Variants in IGF2R observed in about 807,000 individuals in gnomAD.
IGF2R encodes the protein insulin like growth factor 2 receptor.
In IGF2R, 91 loss-of-function variants were observed where a neutral mutation model predicts 270.6. The ratio of observed to expected loss-of-function variants is 0.34; its 90% CI spans 0.28 to 0.40. IGF2R has a LOEUF of 0.40. Among genes scored for constraint, IGF2R ranks in the 10% least tolerant of loss-of-function variants. IGF2R has a pLI of 1.00. For missense variants in IGF2R, 2,805 were observed against 3,188.3 expected (o/e 0.88, Z 2.90); for synonymous variants, 1,316 against 1,258.9 (o/e 1.05, Z -0.96).
At position 160,093,790 on chromosome 6, in the gene IGF2R, CAAG is replaced by C. The variant is rs1276456203; in HGVS notation, c.6656-2647_6656-2645del. ...GACTATATGATTTGGATAAAGATAA[CAAG>C]ATCTCTCGTGATGAGCTGTTAAGGG... On this transcript the variant is annotated intron_variant, in intron 44 of 47. Transcript: ENST00000356956. 5.4e-6 allele frequency: 4 copies of C among 740,266 alleles called. No homozygotes were observed. In the African/African-American group the frequency reaches 6.9e-5, roughly 13 times the overall value. 45.9% of individuals were successfully genotyped at this position (740,266 alleles called of 1,614,324 possible). A position where few individuals can be genotyped will look rare whatever the true frequency, so the allele number is the denominator to read the frequency against.
At chr6:160,077,866 G>A (rs566787064) in intron 36 of IGF2R, among the ~76,000 whole-genome samples, 2 of 152,356 alleles carry the variant, frequency 1.3e-5, no homozygotes, top group South Asian at 4.1e-4. Flanking sequence ...GCACTTGTGA[G>A]GCAGGGTCTC....
At position 160,077,224 on chromosome 6, in the gene IGF2R, C is replaced by T. The variant is rs3777403; in HGVS notation, c.5317-977C>T. On this transcript the variant is annotated intron_variant, in intron 36 of 47. Coordinates refer to ENST00000356956, the MANE Select transcript of IGF2R (RefSeq NM_000876.4). ...GAAAGGCAGAGCTGTATTCAGTCCA[C>T]CCATTGCATCTGTTTATAAGCGTAT... Among the ~76,000 whole-genome samples the T allele has an allele frequency of 5.9e-5, 9 of 152,316 alleles. No homozygotes were observed. In the East Asian group the frequency reaches 1.7e-3, roughly 29 times the overall value.
chr6:160,070,243 G>A (rs1297812869), intron 31 of IGF2R, among the ~76,000 whole-genome samples, 185 bp downstream of exon 31: 6 of 152,234 alleles, frequency 3.9e-5, no homozygotes, highest in Admixed American at 3.3e-4. Context: ...CCCTCGTGCT[G>A]TCTGGCTCCT....
At position 160,089,093 on chromosome 6, in the gene IGF2R, T is replaced by A. The variant is rs753281124; in HGVS notation, c.6321-14T>A. On this transcript the variant is annotated splice_polypyrimidine_tract_variant and intron_variant, in intron 42 of 47. Transcript: ENST00000356956. ...CTGGGGAAGTGACTGTAGCCTGTGCTTCCCTCCTCCTAGGTTTGATATCGA... is the reference window on the plus strand; with the variant it reads ...CTGGGGAAGTGACTGTAGCCTGTGCATCCCTCCTCCTAGGTTTGATATCGA... 1 of 1,609,980 alleles carries A rather than the reference T, an allele frequency of 6.2e-7. No homozygotes were observed. Among genetic ancestry groups the A allele is most frequent in the African/African-American group, 1.3e-5 (1 of 74,846 alleles).
At chr6:160,085,496 G>A (rs73598430) in intron 41 of IGF2R, among the ~76,000 whole-genome samples, 2,017 of 152,332 alleles carry the variant, frequency 0.013, 50 homozygotes, top group African/African-American at 0.046. Flanking sequence ...AAGCCAAACA[G>A]TTGCATGAGG....
intron 45 of IGF2R, among the ~76,000 whole-genome samples, chr6:160,098,699 A>G (rs1194952181): frequency 2.0e-5 from 3 of 152,144 alleles, no homozygotes; most frequent in Admixed American, 2.0e-4. Context: ...CACACCTGTA[A>G]TCGCAGCTAC....
intron 2 of IGF2R, among the ~76,000 whole-genome samples, chr6:159,999,615 T>C (rs1174286665): frequency 6.6e-6 from 1 of 152,068 alleles, no homozygotes; most frequent in Non-Finnish European, 1.5e-5. Flanking sequence ...AATGTGAACC[T>C]TCAAAACAAC....
intron 1 of IGF2R, among the ~76,000 whole-genome samples, chr6:159,983,023 T>G (rs546460849): frequency 6.6e-6 from 1 of 152,240 alleles, no homozygotes; most frequent in Non-Finnish European, 1.5e-5. Context: ...CAATGTCAGT[T>G]TAAAGATATT....
At chr6:160,104,090 C>A (rs991399403) in intron 47 of IGF2R, among the ~76,000 whole-genome samples, 7 of 150,070 alleles carry the variant, frequency 4.7e-5, no homozygotes, top group African/African-American at 9.8e-5. Context: ...AAAAAAAAAA[C>A]AAAACACACA....
At chr6:160,008,901 T>C in intron 2 of IGF2R, 109 bp from the exon 3 acceptor site, 2 of 1,106,118 alleles carry the variant, frequency 1.8e-6, no homozygotes, top group East Asian at 4.8e-5. Flanking sequence ...TATAAATTTA[T>C]AAGCTATCAG....
At chr6:160,090,250 T>A (rs1779189602) in intron 44 of IGF2R, 147 bp downstream of exon 44, 4 of 545,570 alleles carry the variant, frequency 7.3e-6, no homozygotes, top group African/African-American at 3.9e-5. Flanking sequence ...TATGAATTTC[T>A]TGACAGTGGA....
chr6:160,056,584 C>T, intron 20 of IGF2R, 59 bp downstream of exon 20: 4 of 1,106,730 alleles, frequency 3.6e-6, no homozygotes, highest in African/African-American at 1.5e-5. Flanking sequence ...CCTCAACTCA[C>T]CCCAGTGTTC....
chr6:160,024,509 A>C (rs1263358964), intron 4 of IGF2R, 63 bp from the exon 5 acceptor site: 1 of 1,529,488 alleles, frequency 6.5e-7, no homozygotes, highest in Non-Finnish European at 9.0e-7. Context: ...GACATTGGTC[A>C]TAAGCTTTTC....
chr6:160,014,226 A>G (rs1348755723), intron 4 of IGF2R, among the ~76,000 whole-genome samples: 1 of 152,222 alleles, frequency 6.6e-6, no homozygotes, highest in African/African-American at 2.4e-5. Flanking sequence ...CTGGCCTGCT[A>G]GCAGTCTTAC....
At chr6:160,081,961 G>A (rs1275594802) in intron 39 of IGF2R, among the ~76,000 whole-genome samples, 1 of 152,194 alleles carries the variant, frequency 6.6e-6, no homozygotes, top group Admixed American at 6.5e-5. Flanking sequence ...TCATCACAGG[G>A]TCCTGAGGCG....
In IGF2R at chr6:160,049,188, G is replaced by A. The variant is rs187272459; in HGVS notation, c.2514+645G>A. On this transcript the variant is annotated intron_variant, in intron 18 of 47. Transcript: ENST00000356956. ...AAGTGTGCTCTGGTGGTTAGGAATC[G>A]AGTTCCTGGTTGTGTTTACCTCTGC... Among the ~76,000 whole-genome samples the A allele has an allele frequency of 1.1e-4, 16 of 152,286 alleles. No individual in the cohort carries two copies. The East Asian group carries it at 1.5e-3, about 15-fold the overall frequency.
intron 12 of IGF2R, 45 bp from the exon 13 acceptor site, chr6:160,044,469 T>C: frequency 1.4e-6 from 2 of 1,455,794 alleles, no homozygotes; most frequent in South Asian, 1.2e-5. Flanking sequence ...TGCGTGATGA[T>C]CATTTTTAAC....
chr6:160,064,678 C>A, intron 28 of IGF2R, 126 bp from the exon 29 acceptor site: 2 of 1,112,916 alleles, frequency 1.8e-6, no homozygotes, highest in Non-Finnish European at 2.7e-6. Context: ...TATGTTGAAA[C>A]TTTCATCAGT....
chr6:160,027,005 C>G (rs1459647751), intron 5 of IGF2R, among the ~76,000 whole-genome samples, 180 bp from the exon 6 acceptor site: 1 of 152,214 alleles, frequency 6.6e-6, no homozygotes, highest in African/African-American at 2.4e-5. Context: ...CAGTACTTTA[C>G]AGTCCTTCAT....
Sources: allele counts gnomAD v4.1 joint callset (sites outside exome capture counted in the v4.1 genomes callset), GRCh38; gene constraint gnomAD v4.1.1; transcripts MANE v1.5; gene names NCBI Gene and HGNC (gene_info 2026-07-23, HGNC 2026-07-21).